The following CADM2 variants were observed in gnomAD, a reference collection of about 807,000 sequenced individuals.
The protein encoded by CADM2 is cell adhesion molecule 2.
In CADM2, 12 loss-of-function variants were observed where a neutral mutation model predicts 49.8. The observed-to-expected ratio is 0.24, with a 90% confidence interval of 0.15 to 0.39. CADM2 has a LOEUF of 0.39. CADM2 is among the 10% of genes least tolerant of loss of function. CADM2 has a pLI of 1.00. For missense variants in CADM2, 378 were observed against 492.3 expected (o/e 0.77, Z 2.20); for synonymous variants, 214 against 175.4 (o/e 1.22, Z -1.74).
chr3:85,138,764 G>A (rs892823808), intron 1 of CADM2, among the ~76,000 whole-genome samples: 2 of 152,158 alleles, frequency 1.3e-5, no homozygotes, highest in Non-Finnish European at 2.9e-5. Context: ...CACAATGTGA[G>A]TGAATATTCA....
intron 1 of CADM2, among the ~76,000 whole-genome samples, chr3:85,085,710 T>C (rs2037341834): frequency 6.6e-6 from 1 of 152,302 alleles, no homozygotes; most frequent in East Asian, 1.9e-4. Flanking sequence ...TTCATATCCA[T>C]GTGTGATTGT....
intron 1 of CADM2, among the ~76,000 whole-genome samples, chr3:85,147,287 A>AAAAAAAAAAAAAAAAC: frequency 8.2e-6 from 1 of 122,058 alleles, no homozygotes; most frequent in African/African-American, 6.0e-5. Context: ...AAAAAAAAAA[A>AAAAAAAAAAAAAAAAC]AAAAAAAAAA....
At chr3:84,974,712 C>T (rs558758106) in intron 1 of CADM2, among the ~76,000 whole-genome samples, 116 of 151,966 alleles carry the variant, frequency 7.6e-4, no homozygotes, top group Middle Eastern at 3.4e-3. Flanking sequence ...TCATTGTTTT[C>T]AGCAGTATTT....
intron 1 of CADM2, among the ~76,000 whole-genome samples, chr3:84,994,350 T>C (rs1006307114): frequency 6.6e-6 from 1 of 152,124 alleles, no homozygotes; most frequent in African/African-American, 2.4e-5. Flanking sequence ...TTAGCTATGG[T>C]TTTTACTGAT....
intron 2 of CADM2, among the ~76,000 whole-genome samples, chr3:85,793,196 T>C (rs1250140997): frequency 1.3e-5 from 2 of 152,196 alleles, no homozygotes; most frequent in Non-Finnish European, 2.9e-5. Context: ...AGTTATTTTT[T>C]CAGGATATTG....
intron 8 of CADM2, among the ~76,000 whole-genome samples, chr3:86,048,897 A>T (rs1288594846): frequency 6.6e-6 from 1 of 152,220 alleles, no homozygotes; most frequent in Non-Finnish European, 1.5e-5. Flanking sequence ...ATTTTACAGA[A>T]AATAAAACAA....
chr3:85,677,872 A>T (rs4298052), intron 1 of CADM2, among the ~76,000 whole-genome samples: 152,270 of 152,300 alleles, frequency 1, 76,120 homozygotes, highest in East Asian at 1. Flanking sequence ...TGATGGGGAT[A>T]CATGACTGTT....
chr3:85,627,098 T>C (rs2064150511), intron 1 of CADM2, among the ~76,000 whole-genome samples: 3 of 152,024 alleles, frequency 2.0e-5, no homozygotes, highest in Admixed American at 6.6e-5. Flanking sequence ...AAACTTTCAT[T>C]AAATTTTTTT....
At chr3:85,682,761 T>G (rs2066075431) in intron 1 of CADM2, among the ~76,000 whole-genome samples, 2 of 152,118 alleles carry the variant, frequency 1.3e-5, no homozygotes, top group Non-Finnish European at 2.9e-5. Flanking sequence ...CTGTGTTGAA[T>G]ACAGATAGTC....
rs1739579807 is a variant in CADM2, at chr3:86,068,652, T to A, written c.*1869T>A. ...TAGAATTTTAAAGTTTTTTTTTGATTGTTGAAGCATTTATCTTGTTGATTT... is the reference window on the plus strand; with the variant it reads ...TAGAATTTTAAAGTTTTTTTTTGATAGTTGAAGCATTTATCTTGTTGATTT... On this transcript the variant is annotated 3_prime_UTR_variant, in exon 10 of 10. Transcript: ENST00000383699. The A allele has an allele frequency of 6.6e-6, 1 of 152,360 alleles. No individual in the cohort carries two copies. Among genetic ancestry groups the A allele is most frequent in the South Asian group, 2.1e-4 (1 of 4,836 alleles). 9.4% of individuals were successfully genotyped at this position (152,360 alleles called of 1,614,324 possible).
chr3:85,169,771 A>T (rs1460595917), intron 1 of CADM2, among the ~76,000 whole-genome samples: 2 of 152,310 alleles, frequency 1.3e-5, no homozygotes, highest in African/African-American at 2.4e-5. Context: ...ATGCCTCAGT[A>T]TTCATATTTT....
At chr3:85,437,821 T>C (rs1576552768) in intron 1 of CADM2, among the ~76,000 whole-genome samples, 1 of 152,002 alleles carries the variant, frequency 6.6e-6, no homozygotes, top group Non-Finnish European at 1.5e-5. Flanking sequence ...AAGCAACTCA[T>C]AGAAATCTTT....
intron 1 of CADM2, among the ~76,000 whole-genome samples, chr3:85,192,386 CT>C (rs2041230079): frequency 6.6e-6 from 1 of 151,746 alleles, no homozygotes; most frequent in African/African-American, 2.4e-5. Flanking sequence ...TATTCTAGAC[CT>C]TATTTTTAAA....
chr3:85,826,616 G>A (rs1198626836), intron 3 of CADM2, among the ~76,000 whole-genome samples: 1 of 151,880 alleles, frequency 6.6e-6, no homozygotes, highest in African/African-American at 2.4e-5. Flanking sequence ...ATGATAGTGG[G>A]GAAATGAAGG....
chr3:85,080,834 A>T (rs2037135010), intron 1 of CADM2, among the ~76,000 whole-genome samples: 1 of 152,092 alleles, frequency 6.6e-6, no homozygotes, highest in African/African-American at 2.4e-5. Flanking sequence ...ACAATTAAAA[A>T]TATTTTGAAA....
intron 8 of CADM2, among the ~76,000 whole-genome samples, chr3:86,052,926 A>G (rs1286299587): frequency 6.6e-6 from 1 of 152,104 alleles, no homozygotes; most frequent in Non-Finnish European, 1.5e-5. Context: ...TTCTGTCATT[A>G]TATCAGTGTC....
intron 8 of CADM2, among the ~76,000 whole-genome samples, chr3:86,053,836 A>T (rs922923905): frequency 6.6e-6 from 1 of 152,226 alleles, no homozygotes; most frequent in East Asian, 1.9e-4. Context: ...TAAATTTAAT[A>T]AAGTAATAAG....
intron 1 of CADM2, among the ~76,000 whole-genome samples, chr3:85,539,136 A>T (rs1409862487): frequency 9.4e-6 from 1 of 106,056 alleles, no homozygotes; most frequent in Non-Finnish European, 2.3e-5. Flanking sequence ...ATTTAGATTT[A>T]CATTAAAAAA....
intron 1 of CADM2, among the ~76,000 whole-genome samples, chr3:85,158,059 C>T (rs1301811752): frequency 6.6e-6 from 1 of 152,124 alleles, no homozygotes; most frequent in Non-Finnish European, 1.5e-5. Context: ...TCAAAAGAAG[C>T]CATTTATGCA....
Sources: allele counts gnomAD v4.1 joint callset (sites outside exome capture counted in the v4.1 genomes callset), GRCh38; gene constraint gnomAD v4.1.1; transcripts MANE v1.5; gene names NCBI Gene and HGNC (gene_info 2026-07-23, HGNC 2026-07-21).